Variants in DCAF8L2 observed in about 807,000 individuals in gnomAD.
DCAF8L2 encodes DDB1 and CUL4 associated factor 8 like 2.
For missense variants in DCAF8L2, 430 were observed against 490.7 expected (o/e 0.88, Z 1.17); for synonymous variants, 200 against 190.9 (o/e 1.05, Z -0.39).
the DCAF8L2 span, chrX:27,517,999 A>T: frequency 8.9e-7 from 1 of 1,117,995 alleles, no homozygotes; most frequent in Non-Finnish European, 1.2e-6. Context: ...TACATGGCTT[A>T]AACTAAATAA....
the DCAF8L2 span, among the ~76,000 whole-genome samples, chrX:27,571,768 T>C: frequency 9.0e-6 from 1 of 111,422 alleles, no homozygotes. Context: ...GAAATCCAAC[T>C]ATCCTGTTGG....
At chrX:27,566,950 T>A in the DCAF8L2 span, among the ~76,000 whole-genome samples, 1 of 111,576 alleles carries the variant, frequency 9.0e-6, no homozygotes, top group Admixed American at 9.6e-5. Flanking sequence ...AAGGTACTTT[T>A]CAAATTCCGT....
chrX:27,558,713 C>T, the DCAF8L2 span, among the ~76,000 whole-genome samples: 1 of 107,215 alleles, frequency 9.3e-6, no homozygotes, highest in Non-Finnish European at 1.9e-5. Flanking sequence ...CACCCACCAA[C>T]TCGTCATCTA....
At chrX:27,533,218 G>GAA in the DCAF8L2 span, among the ~76,000 whole-genome samples, 5 of 49,484 alleles carry the variant, frequency 1.0e-4, no homozygotes, top group Non-Finnish European at 1.9e-4. Context: ...AAGAAAGAAA[G>GAA]AAAGAAAGAA....
At chrX:27,500,247 T>C in the DCAF8L2 span, among the ~76,000 whole-genome samples, 1 of 111,913 alleles carries the variant, frequency 8.9e-6, no homozygotes, top group East Asian at 2.8e-4. Flanking sequence ...TGTGCCTCAA[T>C]AATCTGCTAC....
chrX:27,727,048 T>A (rs1308827370), intron 4 of DCAF8L2, among the ~76,000 whole-genome samples: 1 of 112,189 alleles, frequency 8.9e-6, no homozygotes, highest in Non-Finnish European at 1.9e-5. Context: ...ATGAAAGCTC[T>A]TTACCAACAA....
intron 3 of DCAF8L2, among the ~76,000 whole-genome samples, chrX:27,704,242 G>A (rs544925327): frequency 8.1e-5 from 7 of 85,959 alleles, no homozygotes; most frequent in South Asian, 4.6e-4. Flanking sequence ...ACACACGTGC[G>A]CACATACGTA....
At chrX:27,709,580 C>T (rs982379788) in intron 3 of DCAF8L2, among the ~76,000 whole-genome samples, 1 of 112,109 alleles carries the variant, frequency 8.9e-6, no homozygotes, top group East Asian at 2.8e-4. Flanking sequence ...TATGTGATTA[C>T]GTTAGGCCTA....
intron 2 of DCAF8L2, among the ~76,000 whole-genome samples, chrX:27,635,872 C>T: frequency 9.3e-6 from 1 of 106,969 alleles, no homozygotes; most frequent in East Asian, 2.9e-4. Flanking sequence ...AGTGCACTGG[C>T]GCCATCTTGG....
At chrX:27,564,250 C>A in the DCAF8L2 span, among the ~76,000 whole-genome samples, 3 of 110,446 alleles carry the variant, frequency 2.7e-5, no homozygotes, top group Non-Finnish European at 5.7e-5. Context: ...CTCGTGAGAA[C>A]GCACTATCAC....
At chrX:27,576,926 A>G in the DCAF8L2 span, among the ~76,000 whole-genome samples, 1 of 111,825 alleles carries the variant, frequency 8.9e-6, no homozygotes, top group Non-Finnish European at 1.9e-5. Context: ...AAAAGTGACA[A>G]ATGACATTGT....
chrX:27,559,050 T>C, the DCAF8L2 span, among the ~76,000 whole-genome samples: 1 of 110,824 alleles, frequency 9.0e-6, no homozygotes, highest in African/African-American at 3.3e-5. Context: ...TGTAGCCATG[T>C]AGGACGTGCC....
At chrX:27,640,711 G>C (rs1367538789) in intron 2 of DCAF8L2, among the ~76,000 whole-genome samples, 1 of 111,999 alleles carries the variant, frequency 8.9e-6, no homozygotes, top group Non-Finnish European at 1.9e-5. Context: ...ATGTATGAGA[G>C]ATCCAGTTAC....
chrX:27,664,847 A>G (rs2147216991), intron 2 of DCAF8L2, among the ~76,000 whole-genome samples: 1 of 111,515 alleles, frequency 9.0e-6, no homozygotes, highest in South Asian at 3.8e-4. Flanking sequence ...TAGAACACCT[A>G]TTTACAGAAT....
intron 3 of DCAF8L2, among the ~76,000 whole-genome samples, chrX:27,696,154 A>AG (rs2147260461): frequency 9.4e-6 from 1 of 106,514 alleles, no homozygotes; most frequent in South Asian, 4.4e-4. Flanking sequence ...AGCTGAGATC[A>AG]TGCCACTGCA....
At chrX:27,654,149 A>C (rs937975808) in intron 2 of DCAF8L2, among the ~76,000 whole-genome samples, 1 of 111,261 alleles carries the variant, frequency 9.0e-6, no homozygotes, top group African/African-American at 3.3e-5. Context: ...CCTCTCTGGC[A>C]TGATTAAGTA....
chrX:27,693,606 AT>A (rs1930789498), intron 3 of DCAF8L2, among the ~76,000 whole-genome samples: 1 of 110,745 alleles, frequency 9.0e-6, no homozygotes, highest in African/African-American at 3.3e-5. Flanking sequence ...CCCTTTGCTC[AT>A]TTTTTAATGG....
the DCAF8L2 span, among the ~76,000 whole-genome samples, chrX:27,549,523 G>A: frequency 9.0e-6 from 1 of 111,258 alleles, no homozygotes; most frequent in Admixed American, 9.6e-5. Context: ...TATTTGGCTT[G>A]ATAATTATTA....
intron 1 of DCAF8L2, among the ~76,000 whole-genome samples, chrX:27,620,763 TC>T (rs766096578): frequency 1.3e-4 from 15 of 111,755 alleles, no homozygotes; most frequent in Admixed American, 1.9e-4. Flanking sequence ...AAACTGGTGT[TC>T]CTTCAAAAGT....
Sources: allele counts gnomAD v4.1 joint callset (sites outside exome capture counted in the v4.1 genomes callset), GRCh38; gene constraint gnomAD v4.1.1; transcripts MANE v1.5; gene names NCBI Gene and HGNC (gene_info 2026-07-23, HGNC 2026-07-21).